Variants in SLC30A9 observed in about 807,000 individuals in gnomAD.
SLC30A9 encodes the protein solute carrier family 30 member 9, also known as proton-coupled zinc antiporter SLC30A9, mitochondrial.
A neutral mutation model predicts 87.5 loss-of-function variants in SLC30A9; 58 were observed. That is an observed-to-expected ratio of 0.66 (90% CI 0.54 to 0.82). The LOEUF (loss-of-function observed/expected upper bound fraction) is 0.82, where lower values mean the gene tolerates loss of function less well. Among genes scored for constraint, SLC30A9 ranks in the 40% least tolerant of loss-of-function variants. SLC30A9 has a pLI of 0.00. For synonymous variants in SLC30A9, 234 were observed against 233.0 expected, an observed-to-expected ratio of 1.00 and a Z score of -0.04; for missense variants, 557 against 679.1, an observed-to-expected ratio of 0.82 and a Z score of 2.00.
chr4:42,035,166 G>A (rs1158650085), intron 6 of SLC30A9, 109 bp from the exon 7 acceptor site: 2 of 1,085,096 alleles, frequency 1.8e-6, no homozygotes, highest in Admixed American at 2.6e-5. Flanking sequence ...TATTTTTGCT[G>A]TTAGCTAGTA....
rs141762832 is a variant in SLC30A9 at position 42,010,160 on chromosome 4, A to G, written c.275-7951A>G. On this transcript the variant is annotated intron_variant, in intron 2 of 17. Coordinates refer to ENST00000264451, the MANE Select transcript of SLC30A9 (RefSeq NM_006345.4). ...CTTAAAGCCTTTTTAGATTTTCTGT[A>G]CATGCTTTAGGTATCAAAACGTACT... Among the ~76,000 whole-genome samples, 131 of 152,330 alleles carry G rather than the reference A, an allele frequency of 8.6e-4. No individual in the cohort carries two copies. The East Asian group carries it at 0.023, about 26-fold the overall frequency.
rs1021477949 is a variant in SLC30A9 at position 42,089,294 on chromosome 4, G to T, written c.*3168G>T. The T allele has an allele frequency of 6.6e-6, 1 of 152,176 alleles. No homozygotes were observed. Among genetic ancestry groups the T allele is most frequent in the African/African-American group, 2.4e-5 (1 of 41,440 alleles). The allele number at this position is 152,176 out of a possible 1,614,324, so 9.4% of individuals were successfully genotyped here. ...CACATAACCCAATAATAAGTAAAAA[G>T]CATCTGTACCTACTTTTAGCTTTGG... On this transcript the variant is annotated 3_prime_UTR_variant, in exon 18 of 18. Coordinates refer to ENST00000264451, the MANE Select transcript of SLC30A9 (RefSeq NM_006345.4).
Position 42,033,083 on chromosome 4 carries a change from T to A in SLC30A9, c.611-2192T>A, listed in dbSNP as rs574497909. 2.6e-5 allele frequency among the ~76,000 whole-genome samples: 4 copies of A among 152,296 alleles called. No individual in the cohort carries two copies. In the South Asian group the frequency reaches 8.3e-4, roughly 32 times the overall value. Reference sequence around the variant, plus strand: ...ATAGTTCAATTTCTGTGTGTTAAAGTCACTTAAAATTTTTCTATATAGAAA... The same window carrying A: ...ATAGTTCAATTTCTGTGTGTTAAAGACACTTAAAATTTTTCTATATAGAAA... On this transcript the variant is annotated intron_variant, in intron 6 of 17. Coordinates refer to ENST00000264451, the MANE Select transcript of SLC30A9 (RefSeq NM_006345.4).
intron 1 of SLC30A9, among the ~76,000 whole-genome samples, chr4:41,997,151 T>C (rs2153132364): frequency 9.1e-6 from 1 of 110,228 alleles, no homozygotes; most frequent in East Asian, 3.3e-4. Flanking sequence ...TCCTATTGTT[T>C]CCTAACTCAA....
chr4:42,048,538 A>G (rs1289747805), intron 8 of SLC30A9, among the ~76,000 whole-genome samples: 2 of 152,170 alleles, frequency 1.3e-5, no homozygotes, highest in Non-Finnish European at 2.9e-5. Context: ...GTCTGAGATA[A>G]ATCATATTAG....
rs1232738129 is a variant in SLC30A9 at position 42,022,841 on chromosome 4, T to A, written c.438T>A (p.Asp146Glu). 1.3e-6 allele frequency: 2 copies of A among 1,581,630 alleles called. No homozygotes were observed. The highest frequency in any genetic ancestry group is 4.5e-5 in the East Asian group (2 of 44,534). Reference protein sequence around the residue: ...AINEFCLKSSDLEQLRKIRRR... With the variant: ...AINEFCLKSSELEQLRKIRRR... ...TTCAACATGTTTCTTTCTCTAGTGA[T>A]CTAGAACAACTTCGAAAAATCAGAC... The change falls in exon 5 of 18, where the codon GAT becomes GAA. Residue 146 changes from aspartate (D) to glutamate (E), a missense_variant. This residue lies in a region of SLC30A9 where 467 missense variants were observed against 529.8 expected (regional missense o/e 0.88). Coordinates refer to ENST00000264451, the MANE Select transcript of SLC30A9 (RefSeq NM_006345.4).
intron 6 of SLC30A9, among the ~76,000 whole-genome samples, chr4:42,024,124 G>A (rs2153135777): frequency 6.6e-6 from 1 of 152,270 alleles, no homozygotes; most frequent in African/African-American, 2.4e-5. Flanking sequence ...AATTAATTCA[G>A]CAGATATTTA....
intron 1 of SLC30A9, among the ~76,000 whole-genome samples, chr4:41,996,402 G>A (rs1462756981): frequency 6.6e-6 from 1 of 151,962 alleles, no homozygotes; most frequent in Non-Finnish European, 1.5e-5. Context: ...CGAAATTTGA[G>A]TATTTTAAGC....
chr4:42,026,577 A>G (rs2153136069), intron 6 of SLC30A9, among the ~76,000 whole-genome samples: 1 of 152,320 alleles, frequency 6.6e-6, no homozygotes, highest in South Asian at 2.1e-4. Context: ...TGATAGAACA[A>G]TTTATTTTTT....
At chr4:42,052,609 G>A (rs775907133) in intron 9 of SLC30A9, among the ~76,000 whole-genome samples, 9 of 152,178 alleles carry the variant, frequency 5.9e-5, no homozygotes, top group African/African-American at 1.2e-4. Context: ...CGTGCCTTTC[G>A]GCAAAGGTAT....
intron 17 of SLC30A9, among the ~76,000 whole-genome samples, chr4:42,079,784 T>C (rs1718689291): frequency 6.6e-6 from 1 of 151,496 alleles, no homozygotes; most frequent in South Asian, 2.1e-4. Flanking sequence ...ATTTTTGTTT[T>C]GTTTTGTACT....
intron 8 of SLC30A9, among the ~76,000 whole-genome samples, chr4:42,045,178 A>C (rs1016537640): frequency 6.6e-6 from 1 of 152,186 alleles, no homozygotes; most frequent in African/African-American, 2.4e-5. Flanking sequence ...AAACAAATTC[A>C]AATGCTAGCA....
At chr4:42,027,477 T>TC (rs397993123) in intron 6 of SLC30A9, among the ~76,000 whole-genome samples, 3 of 151,784 alleles carry the variant, frequency 2.0e-5, no homozygotes, top group African/African-American at 2.4e-5. Flanking sequence ...TTTTTTTTTT[T>TC]AGTATGAGTG....
At chr4:42,027,691 G>A (rs944642623) in intron 6 of SLC30A9, among the ~76,000 whole-genome samples, 3 of 152,128 alleles carry the variant, frequency 2.0e-5, no homozygotes, top group African/African-American at 7.2e-5. Context: ...TCACAGGAGT[G>A]TAACAATCAG....
intron 4 of SLC30A9, among the ~76,000 whole-genome samples, chr4:42,021,339 A>G (rs1715940237): frequency 6.6e-6 from 1 of 152,196 alleles, no homozygotes. Context: ...GAGAACTAGA[A>G]TATATATCTT....
chr4:42,067,394 G>A (rs986561159), intron 14 of SLC30A9, among the ~76,000 whole-genome samples: 3 of 152,144 alleles, frequency 2.0e-5, no homozygotes, highest in East Asian at 1.9e-4. Context: ...CTCTAAATTA[G>A]AAATAAGGAA....
chr4:42,020,551 C>G, intron 4 of SLC30A9, 36 bp downstream of exon 4: 1 of 1,079,948 alleles, frequency 9.3e-7, no homozygotes, highest in African/African-American at 1.5e-5. Flanking sequence ...TGTGTCATAT[C>G]TAAATAATCT....
chr4:42,018,730 A>G (rs772206066), intron 3 of SLC30A9, among the ~76,000 whole-genome samples: 2 of 152,172 alleles, frequency 1.3e-5, no homozygotes, highest in Non-Finnish European at 2.9e-5. Context: ...TGGGCAATTT[A>G]CTTGACTTCT....
intron 9 of SLC30A9, among the ~76,000 whole-genome samples, chr4:42,051,863 G>T (rs1185634878): frequency 6.6e-6 from 1 of 151,940 alleles, no homozygotes; most frequent in African/African-American, 2.4e-5. Flanking sequence ...AATGAGGCTA[G>T]TATAACCCTG....
Sources: allele counts gnomAD v4.1 joint callset (sites outside exome capture counted in the v4.1 genomes callset), GRCh38; gene constraint gnomAD v4.1.1; regional missense constraint gnomAD v4.1.1; transcripts MANE v1.5; gene names NCBI Gene and HGNC (gene_info 2026-07-23, HGNC 2026-07-21).